The following EEFSEC variants were observed in gnomAD, a reference collection of about 807,000 sequenced individuals.
The protein encoded by EEFSEC is selenocysteine-specific elongation factor.
EEFSEC carries 43 observed loss-of-function variants against 42.1 expected under a neutral mutation model. The observed-to-expected ratio is 1.02, with a 90% confidence interval of 0.80 to 1.32. The LOEUF (loss-of-function observed/expected upper bound fraction) is 1.32, where lower values mean the gene tolerates loss of function less well. Among genes scored for constraint, EEFSEC ranks in the 40% most tolerant of loss-of-function variants. The pLI is 0.00. For missense variants in EEFSEC, 745 were observed against 803.6 expected (o/e 0.93, Z 0.88); for synonymous variants, 354 against 339.1 (o/e 1.04, Z -0.48).
At chr3:128,232,444 C>T (rs1344561778) in intron 1 of EEFSEC, among the ~76,000 whole-genome samples, 1 of 152,130 alleles carries the variant, frequency 6.6e-6, no homozygotes, top group Admixed American at 6.5e-5. Flanking sequence ...TCCTCTTACC[C>T]GGAATGGGAA....
Position 128,190,431 on chromosome 3 carries a change from A to G in EEFSEC, c.316+36608A>G, listed in dbSNP as rs543641157. Among the ~76,000 whole-genome samples, 8 of 152,362 alleles carry G rather than the reference A, an allele frequency of 5.3e-5. No homozygotes were observed. The South Asian group carries it at 1.7e-3, about 32-fold the overall frequency. ...AAAAAGTAAAAGAAAAAAGTTTTTAATGGAAAAAGGCTTATAGAATAAGGA... is the reference window on the plus strand; with the variant it reads ...AAAAAGTAAAAGAAAAAAGTTTTTAGTGGAAAAAGGCTTATAGAATAAGGA... On this transcript the variant is annotated intron_variant, in intron 1 of 6. Coordinates refer to ENST00000254730, the MANE Select transcript of EEFSEC (RefSeq NM_021937.5).
chr3:128,163,728 AC>A (rs1219321153), intron 1 of EEFSEC, among the ~76,000 whole-genome samples: 1 of 152,030 alleles, frequency 6.6e-6, no homozygotes, highest in Non-Finnish European at 1.5e-5. Context: ...GGCCTAGGCA[AC>A]CACGAATCTA....
At chr3:128,353,911 CCTG>C (rs1259088269) in intron 5 of EEFSEC, among the ~76,000 whole-genome samples, 1 of 152,184 alleles carries the variant, frequency 6.6e-6, no homozygotes, top group Non-Finnish European at 1.5e-5. Context: ...CTGCCGCTCA[CCTG>C]CTGCTGGGAA....
At chr3:128,351,484 C>G (rs891492885) in intron 5 of EEFSEC, among the ~76,000 whole-genome samples, 6 of 152,228 alleles carry the variant, frequency 3.9e-5, no homozygotes, top group Non-Finnish European at 8.8e-5. Context: ...GCCTCCCAAG[C>G]CCTTCCTGTC....
the EEFSEC span, among the ~76,000 whole-genome samples, chr3:128,416,003 G>A: frequency 4.3e-4 from 65 of 152,344 alleles, 1 homozygote; most frequent in South Asian, 4.1e-3. Context: ...CAGAGCAGGC[G>A]TTGGGGACCA....
intron 2 of EEFSEC, among the ~76,000 whole-genome samples, chr3:128,259,576 C>T (rs1488078879): frequency 1.3e-5 from 2 of 152,128 alleles, no homozygotes; most frequent in Admixed American, 6.5e-5. Flanking sequence ...ATTGTACAGC[C>T]ATCACCACTA....
chr3:128,394,420 G>A (rs538172142), intron 6 of EEFSEC, among the ~76,000 whole-genome samples: 11 of 152,144 alleles, frequency 7.2e-5, no homozygotes, highest in Admixed American at 2.0e-4. Flanking sequence ...GCCTTTGTTC[G>A]CCTTCATTAT....
At chr3:128,155,964 C>T (rs1018082180) in intron 1 of EEFSEC, among the ~76,000 whole-genome samples, 1 of 152,192 alleles carries the variant, frequency 6.6e-6, no homozygotes, top group Admixed American at 6.5e-5. Flanking sequence ...TCCCTGCCCC[C>T]TTATAACTGA....
At chr3:128,188,633 G>T (rs534119508) in intron 1 of EEFSEC, among the ~76,000 whole-genome samples, 1 of 152,298 alleles carries the variant, frequency 6.6e-6, no homozygotes, top group Admixed American at 6.5e-5. Context: ...TGGTATTATT[G>T]TTCCACAGTA....
At chr3:128,217,444 G>A (rs1293158298) in intron 1 of EEFSEC, among the ~76,000 whole-genome samples, 5 of 152,140 alleles carry the variant, frequency 3.3e-5, no homozygotes. Flanking sequence ...GGCTGCCATA[G>A]CAGAACCAAA....
intron 1 of EEFSEC, among the ~76,000 whole-genome samples, chr3:128,177,162 A>T (rs1220376257): frequency 6.6e-6 from 1 of 151,920 alleles, no homozygotes; most frequent in African/African-American, 2.4e-5. Context: ...TATTGATTCA[A>T]TGTTGTGGGG....
intron 5 of EEFSEC, among the ~76,000 whole-genome samples, chr3:128,344,904 GTGTTCC>G (rs1458320339): frequency 6.6e-6 from 1 of 152,246 alleles, no homozygotes; most frequent in Non-Finnish European, 1.5e-5. Flanking sequence ...CAAGAAGGTA[GTGTTCC>G]TGTTGCAGCT....
intron 1 of EEFSEC, among the ~76,000 whole-genome samples, chr3:128,186,700 A>G (rs1460643400): frequency 2.0e-5 from 3 of 152,072 alleles, no homozygotes; most frequent in African/African-American, 7.2e-5. Context: ...TTGTGTTGGC[A>G]CTCTTAACAA....
chr3:128,277,916 G>C (rs186401351), intron 4 of EEFSEC, among the ~76,000 whole-genome samples: 53 of 152,306 alleles, frequency 3.5e-4, no homozygotes, highest in Admixed American at 2.2e-3. Context: ...GAGGATTCTG[G>C]GCAAATGCAA....
At chr3:128,271,828 G>T (rs909932274) in intron 4 of EEFSEC, among the ~76,000 whole-genome samples, 2 of 152,104 alleles carry the variant, frequency 1.3e-5, no homozygotes, top group African/African-American at 4.8e-5. Flanking sequence ...AAGCCTTATT[G>T]CTGTCCTGCT....
At chr3:128,273,456 T>TG (rs1559896594) in intron 4 of EEFSEC, among the ~76,000 whole-genome samples, 1 of 152,236 alleles carries the variant, frequency 6.6e-6, no homozygotes, top group Non-Finnish European at 1.5e-5. Context: ...ATGCTGCCCC[T>TG]GCAGGCCTTT....
intron 6 of EEFSEC, among the ~76,000 whole-genome samples, chr3:128,364,420 G>A (rs2067564104): frequency 6.6e-6 from 1 of 152,174 alleles, no homozygotes; most frequent in Non-Finnish European, 1.5e-5. Flanking sequence ...GGCGAGCGGG[G>A]AGCAGAAGGC....
chr3:128,280,146 A>T (rs2066510836), intron 4 of EEFSEC, among the ~76,000 whole-genome samples: 2 of 152,246 alleles, frequency 1.3e-5, no homozygotes, highest in Admixed American at 1.3e-4. Context: ...ATTATGTAGG[A>T]AAACTGTCTG....
At chr3:128,299,694 C>G (rs1441365735) in intron 4 of EEFSEC, among the ~76,000 whole-genome samples, 1 of 152,166 alleles carries the variant, frequency 6.6e-6, no homozygotes, top group Non-Finnish European at 1.5e-5. Context: ...ACAGCTGACT[C>G]CCTTGTGTGT....
Sources: gnomAD v4.1 joint callset for allele counts (sites outside exome capture counted in the v4.1 genomes callset) on GRCh38, gnomAD v4.1.1 for gene constraint, MANE v1.5 for transcripts, NCBI Gene and HGNC (gene_info 2026-07-23, HGNC 2026-07-21) for gene names.